The following DPH5 variants were observed in gnomAD, a reference collection of about 807,000 sequenced individuals.
The protein encoded by DPH5 is diphthamide biosynthesis 5.
Under a neutral mutation model 31.6 loss-of-function variants are expected in DPH5, and 31 were observed. That is an observed-to-expected ratio of 0.98 (90% confidence interval 0.74 to 1.32). The LOEUF is 1.32. Ranked by LOEUF, DPH5 falls within the 40% of genes most tolerant of loss-of-function variation. DPH5 has a pLI of 0.00. For missense variants in DPH5, 309 were observed against 335.7 expected, an observed-to-expected ratio of 0.92 and a Z score of 0.62; for synonymous variants, 120 against 115.0, an observed-to-expected ratio of 1.04 and a Z score of -0.28.
chr1:100,997,403 T>C (rs1286287931), intron 5 of DPH5, among the ~76,000 whole-genome samples: 1 of 152,118 alleles, frequency 6.6e-6, no homozygotes, highest in Non-Finnish European at 1.5e-5. Flanking sequence ...TCTCGCTCTG[T>C]GGTCCAGGCT....
chr1:100,993,474 C>A (rs1657974463), intron 6 of DPH5, among the ~76,000 whole-genome samples: 1 of 149,144 alleles, frequency 6.7e-6, no homozygotes, highest in African/African-American at 2.5e-5. Flanking sequence ...ATCAATTGAA[C>A]CCGGGAGACG....
intron 4 of DPH5, among the ~76,000 whole-genome samples, chr1:101,004,962 T>A (rs1162744807): frequency 6.6e-6 from 1 of 152,244 alleles, no homozygotes; most frequent in African/African-American, 2.4e-5. Context: ...CCTGACATCT[T>A]ATTTAGTGCC....
chr1:100,998,955 T>C (rs906608534), intron 5 of DPH5, among the ~76,000 whole-genome samples: 1 of 152,200 alleles, frequency 6.6e-6, no homozygotes, highest in African/African-American at 2.4e-5. Context: ...TCACAGCTAC[T>C]CATCACTGCT....
chr1:101,008,618 C>A lies in DPH5; in HGVS notation c.369+5092G>T, dbSNP rs193225149. The stretch of plus-strand genomic sequence containing the variant: ...CGTGTTAACTGACTCCCTAGACAGC[C>A]AAGGTTTCTTTGGTATTTATGTATG... On this transcript the variant is annotated intron_variant, in intron 4 of 7. Coordinates refer to ENST00000370109, the MANE Select transcript of DPH5 (RefSeq NM_015958.3). Among the ~76,000 whole-genome samples, 887 of 152,294 alleles carry A rather than the reference C, an allele frequency of 5.8e-3. 4 individuals are homozygous for A. The highest frequency in any genetic ancestry group is 0.021 in the African/African-American group (856 of 41,548).
intron 5 of DPH5, 47 bp from the exon 6 acceptor site, chr1:100,995,196 C>A: frequency 7.3e-7 from 1 of 1,362,642 alleles, no homozygotes; most frequent in South Asian, 1.2e-5. Flanking sequence ...AAAGCTTTAT[C>A]CAAAACCCTA....
At chr1:101,004,072 C>G (rs1162748859) in intron 4 of DPH5, among the ~76,000 whole-genome samples, 2 of 152,136 alleles carry the variant, frequency 1.3e-5, no homozygotes, top group Non-Finnish European at 2.9e-5. Context: ...CATATAAACA[C>G]TAAAGCATTT....
At position 100,993,553 on chromosome 1, in the gene DPH5, AATATAAATAT is replaced by A. The variant is rs1657991091; in HGVS notation, c.531-823_531-814del. On this transcript the variant is annotated intron_variant, in intron 6 of 7. Coordinates refer to ENST00000370109, the MANE Select transcript of DPH5 (RefSeq NM_015958.3). Reference sequence around the variant, plus strand: ...GGCGACAGAGCAAGACTCTGTCGAAAATATAAATATATATATATATATATATATATATATA... The same window carrying A: ...GGCGACAGAGCAAGACTCTGTCGAAAATATATATATATATATATATATATA... Among the ~76,000 whole-genome samples the A allele has an allele frequency of 8.3e-5, 3 of 35,934 alleles. 1 individual carries two copies. Among genetic ancestry groups the A allele is most frequent in the Non-Finnish European group, 1.8e-4 (3 of 16,886 alleles). The allele number at this position is 35,934 out of a possible 152,430, so 23.6% of individuals were successfully genotyped here.
At chr1:101,005,905 C>G (rs1472928923) in intron 4 of DPH5, among the ~76,000 whole-genome samples, 1 of 151,920 alleles carries the variant, frequency 6.6e-6, no homozygotes, top group Non-Finnish European at 1.5e-5. Flanking sequence ...GTGGGAGGGA[C>G]CCGGTAGTGG....
intron 5 of DPH5, among the ~76,000 whole-genome samples, chr1:100,997,005 C>A (rs1369571866): frequency 6.6e-6 from 1 of 152,160 alleles, no homozygotes; most frequent in Non-Finnish European, 1.5e-5. Context: ...TTCCTTCCTG[C>A]TTTTGTTAAT....
chr1:101,013,940 A>G lies in DPH5; in HGVS notation c.261-122T>C, dbSNP rs139809527. 8.6e-5 allele frequency: 58 copies of G among 673,202 alleles called. 1 individual carries two copies. The African/African-American group carries it at 9.7e-4, about 11-fold the overall frequency. The allele number at this position is 673,202 out of a possible 1,614,324, so 41.7% of individuals were successfully genotyped here. ...GCACTGCCTTTCTTCAAATTCTTCC[A>G]CACACCTGCATAAGGCTTTCATCTG... On this transcript the variant is annotated intron_variant, in intron 3 of 7. Coordinates refer to ENST00000370109, the MANE Select transcript of DPH5 (RefSeq NM_015958.3).
chr1:100,995,215 C>A (rs1188507267), intron 5 of DPH5, 66 bp from the exon 6 acceptor site: 3 of 1,156,286 alleles, frequency 2.6e-6, no homozygotes, highest in South Asian at 2.6e-5. Context: ...TATGTGTAAA[C>A]CTCAGTTAAG....
chr1:101,018,570 C>T (rs527687940), intron 3 of DPH5, among the ~76,000 whole-genome samples: 1 of 152,038 alleles, frequency 6.6e-6, no homozygotes, highest in South Asian at 2.1e-4. Flanking sequence ...ATAGTGTCTC[C>T]GTTTTTGACA....
At chr1:100,992,774 G>T in intron 6 of DPH5, 34 bp from the exon 7 acceptor site, 2 of 1,424,594 alleles carry the variant, frequency 1.4e-6, no homozygotes, top group South Asian at 1.2e-5. Context: ...ACTGTTCTTA[G>T]CCATGAAACT....
chr1:101,021,858 A>ACACT (rs368305485), intron 2 of DPH5, 93 bp from the exon 3 acceptor site: 14 of 1,157,720 alleles, frequency 1.2e-5, no homozygotes, highest in Middle Eastern at 2.9e-4. Context: ...ACACACACAC[A>ACACT]CTCTTTGTTT....
intron 4 of DPH5, among the ~76,000 whole-genome samples, chr1:101,009,135 A>T (rs184329791): frequency 8.0e-4 from 122 of 152,336 alleles, no homozygotes; most frequent in Non-Finnish European, 1.2e-3. Context: ...CCAAGACATT[A>T]GTAGAGACTT....
chr1:101,012,729 G>A (rs1020388779), intron 4 of DPH5, among the ~76,000 whole-genome samples: 5 of 152,134 alleles, frequency 3.3e-5, no homozygotes, highest in African/African-American at 1.2e-4. Flanking sequence ...AAGAGCAAGT[G>A]GTGAATACTG....
chr1:101,003,279 C>T (rs927303388), intron 4 of DPH5, among the ~76,000 whole-genome samples: 5 of 152,172 alleles, frequency 3.3e-5, no homozygotes, highest in Admixed American at 6.5e-5. Context: ...CAGGATCGGT[C>T]CTGGCCCTGC....
intron 4 of DPH5, 171 bp downstream of exon 4, chr1:101,013,539 G>A (rs1020585318): frequency 4.7e-6 from 2 of 426,916 alleles, no homozygotes; most frequent in Non-Finnish European, 8.2e-6. Flanking sequence ...GGAAAACCTA[G>A]CATAAAAAAA....
chr1:101,000,593 C>T (rs1311639721), intron 5 of DPH5, among the ~76,000 whole-genome samples: 1 of 152,164 alleles, frequency 6.6e-6, no homozygotes, highest in Non-Finnish European at 1.5e-5. Context: ...TACTCTCTAA[C>T]TAGTAAGTAG....
Sources: allele counts gnomAD v4.1 joint callset (sites outside exome capture counted in the v4.1 genomes callset), GRCh38; gene constraint gnomAD v4.1.1; transcripts MANE v1.5; gene names NCBI Gene and HGNC (gene_info 2026-07-23, HGNC 2026-07-21).